The following TRAK2 variants were observed in gnomAD, a reference collection of about 807,000 sequenced individuals.
The protein encoded by TRAK2 is trafficking kinesin protein 2.
TRAK2 carries 81 observed loss-of-function variants against 104.6 expected under a neutral mutation model. The observed-to-expected ratio is 0.77, with a 90% confidence interval of 0.65 to 0.93. The LOEUF (loss-of-function observed/expected upper bound fraction) is 0.93, where lower values mean the gene tolerates loss of function less well. Among genes scored for constraint, TRAK2 ranks in the 40% least tolerant of loss-of-function variants. The pLI is 0.00. For synonymous variants in TRAK2, 406 were observed against 394.4 expected (o/e 1.03, Z -0.35); for missense variants, 1,002 against 1,089.0 (o/e 0.92, Z 1.12).
chr2:201,380,815 G>A lies in TRAK2; in HGVS notation c.2473C>T (p.Pro825Ser), dbSNP rs1164554721. The A allele has an allele frequency of 2.5e-6, 4 of 1,613,968 alleles. No homozygotes were observed. Among genetic ancestry groups the A allele is most frequent in the Non-Finnish European group, 2.5e-6 (3 of 1,180,006 alleles). Residue 825 changes from proline (P) to serine (S), a missense_variant, in exon 16 of 16, where the codon CCT (proline) becomes TCT (serine). Pro to Ser is a moderately conservative substitution (Grantham distance 74). Transcript: ENST00000332624. ...MYGLRPSRNP[P>S]DVGQLKMNLV... ...TTCATCTTCAACTGGCCAACATCAG[G>A]AGGGTTCCGGGAGGGTCTCAAGCCA...
At chr2:201,449,480 C>CTTTT (rs3083385) in intron 1 of TRAK2, among the ~76,000 whole-genome samples, 1 of 98,094 alleles carries the variant, frequency 1.0e-5, no homozygotes, top group Non-Finnish European at 2.0e-5. Context: ...AATGTTGGTT[C>CTTTT]TTTTTTTTTT....
chr2:201,411,572 C>G lies in TRAK2; in HGVS notation c.92-3975G>C, dbSNP rs1217226261. On this transcript the variant is annotated intron_variant, in intron 2 of 15. Coordinates refer to ENST00000332624, the MANE Select transcript of TRAK2 (RefSeq NM_015049.3). ...TTATGATGGAAATGAAAGAATTGAA[C>G]TGATTAAGATTGTTTTCAATACTCA... The G allele has an allele frequency of 3.9e-6, 3 of 765,254 alleles. No homozygotes were observed. The Admixed American group carries it at 5.2e-5, about 13-fold the overall frequency. 47.4% of individuals were successfully genotyped at this position (765,254 alleles called of 1,614,324 possible). A position where few individuals can be genotyped will look rare whatever the true frequency, so the allele number is the denominator to read the frequency against.
intron 4 of TRAK2, among the ~76,000 whole-genome samples, chr2:201,399,726 G>T (rs1463582499): frequency 6.6e-6 from 1 of 152,022 alleles, no homozygotes; most frequent in Non-Finnish European, 1.5e-5. Context: ...CTCTTTTCTT[G>T]ATATCAAGTG....
At chr2:201,433,254 G>A (rs968048605) in intron 1 of TRAK2, among the ~76,000 whole-genome samples, 2 of 152,174 alleles carry the variant, frequency 1.3e-5, no homozygotes, top group African/African-American at 4.8e-5. Flanking sequence ...GGAAGGCAGA[G>A]GCCACATATC....
intron 1 of TRAK2, among the ~76,000 whole-genome samples, chr2:201,426,492 T>C (rs186317090): frequency 1.3e-5 from 2 of 152,308 alleles, no homozygotes; most frequent in East Asian, 3.9e-4. Flanking sequence ...GCTTGAATCA[T>C]CCCCAAACCA....
chr2:201,383,898 C>T (rs1221542877), intron 15 of TRAK2, among the ~76,000 whole-genome samples: 1 of 152,150 alleles, frequency 6.6e-6, no homozygotes, highest in Admixed American at 6.6e-5. Context: ...CCTTCCATGC[C>T]TCAGTTTACT....
chr2:201,425,724 T>A (rs11899015), intron 1 of TRAK2, among the ~76,000 whole-genome samples: 9,803 of 95,556 alleles, frequency 0.1, 672 homozygotes, highest in South Asian at 0.35. Flanking sequence ...CTTTTTTTTT[T>A]TAAATAATGT....
chr2:201,411,615 A>C, intron 2 of TRAK2: 1 of 799,616 alleles, frequency 1.3e-6, no homozygotes, highest in Non-Finnish European at 2.3e-6. Flanking sequence ...AAGATGAGGC[A>C]ATACTTTTCC....
chr2:201,416,647 T>C (rs1951694079), intron 2 of TRAK2, among the ~76,000 whole-genome samples: 1 of 152,158 alleles, frequency 6.6e-6, no homozygotes, highest in Non-Finnish European at 1.5e-5. Context: ...ATTATGTATA[T>C]AACATATGTA....
At chr2:201,404,933 T>C (rs567439687) in intron 3 of TRAK2, among the ~76,000 whole-genome samples, 3 of 152,200 alleles carry the variant, frequency 2.0e-5, no homozygotes, top group South Asian at 2.1e-4. Context: ...GCCTTCAAAA[T>C]GACTGAGAGA....
At chr2:201,418,557 G>C (rs534960098) in intron 2 of TRAK2, among the ~76,000 whole-genome samples, 1 of 152,068 alleles carries the variant, frequency 6.6e-6, no homozygotes, top group Non-Finnish European at 1.5e-5. Context: ...AAGACAATGT[G>C]GTATTTCTGT....
In TRAK2 at chr2:201,380,830, G is replaced by A; in HGVS notation, c.2458C>T (p.Pro820Ser). 1 of 1,614,068 alleles carries A rather than the reference G, an allele frequency of 6.2e-7. No individual in the cohort carries two copies. Among genetic ancestry groups the A allele is most frequent in the Non-Finnish European group, 8.5e-7 (1 of 1,179,994 alleles). The change falls in exon 16 of 16, where the codon CCC becomes TCC. Residue 820 changes from proline to serine, a missense_variant. Transcript: ENST00000332624. ...CCAACATCAGGAGGGTTCCGGGAGG[G>A]TCTCAAGCCATACATCTCCTGGAGG... ...TFLQEMYGLR[P>S]SRNPPDVGQL...
intron 3 of TRAK2, among the ~76,000 whole-genome samples, chr2:201,401,381 A>G (rs1156374851): frequency 6.6e-6 from 1 of 152,072 alleles, no homozygotes; most frequent in African/African-American, 2.4e-5. Context: ...GTAAGACAGG[A>G]AGTTTGGCCA....
rs1576518975 is a variant in TRAK2, at chr2:201,407,741, G to A, written c.92-144C>T. The A allele has an allele frequency of 7.8e-6, 5 of 638,112 alleles. No homozygotes were observed. In the East Asian group the frequency reaches 1.6e-4, roughly 20 times the overall value. The allele number at this position is 638,112 out of a possible 1,614,324, so 39.5% of individuals were successfully genotyped here. A position where few individuals can be genotyped will look rare whatever the true frequency, so the allele number is the denominator to read the frequency against. The stretch of plus-strand genomic sequence containing the variant: ...ATCATTTCTCCACTGATTTTTATTA[G>A]TATATCCTAGTAGTATAGTTTTTTT... On this transcript the variant is annotated intron_variant, in intron 2 of 15. Transcript: ENST00000332624.
At chr2:201,420,817 T>C in intron 1 of TRAK2, 111 bp from the exon 2 acceptor site, 1 of 220,494 alleles carries the variant, frequency 4.5e-6, no homozygotes. Context: ...TCATACAACA[T>C]GGATAAATCT....
chr2:201,429,101 T>C (rs546520519), intron 1 of TRAK2, among the ~76,000 whole-genome samples: 1 of 152,364 alleles, frequency 6.6e-6, no homozygotes, highest in East Asian at 1.9e-4. Flanking sequence ...TATATAATCA[T>C]GTCATCTCCC....
In TRAK2 at chr2:201,399,567, A is replaced by G. The variant is rs1576513997; in HGVS notation, c.364-74T>C. The G allele has an allele frequency of 8.9e-6, 10 of 1,120,026 alleles. No homozygotes were observed. In the East Asian group the frequency reaches 2.4e-4, roughly 27 times the overall value. The allele number at this position is 1,120,026 out of a possible 1,614,324, so 69.4% of individuals were successfully genotyped here. On this transcript the variant is annotated intron_variant, in intron 4 of 15. Transcript: ENST00000332624. ...ATGGCAGTTCAGAAATTTTGTGGTC[A>G]GTTTTGGTAAAATCAAAAGCAACGT...
chr2:201,387,313 G>C (rs1951400279), intron 13 of TRAK2, among the ~76,000 whole-genome samples: 1 of 151,916 alleles, frequency 6.6e-6, no homozygotes, highest in Non-Finnish European at 1.5e-5. Context: ...TATACTTTTG[G>C]GTAAAAAACT....
chr2:201,445,916 T>C (rs1417332346), intron 1 of TRAK2, among the ~76,000 whole-genome samples: 1 of 152,214 alleles, frequency 6.6e-6, no homozygotes, highest in Non-Finnish European at 1.5e-5. Context: ...ACAAAAATAA[T>C]TAGAAAATTT....
Sources: gnomAD v4.1 joint callset for allele counts (sites outside exome capture counted in the v4.1 genomes callset) on GRCh38, gnomAD v4.1.1 for gene constraint, MANE v1.5 for transcripts, NCBI Gene and HGNC (gene_info 2026-07-23, HGNC 2026-07-21) for gene names.